The following ACVR1C variants were observed in gnomAD, a reference collection of about 807,000 sequenced individuals.
ACVR1C encodes the protein activin A receptor type 1C.
In ACVR1C, 23 loss-of-function variants were observed where a neutral mutation model predicts 57.9. The observed-to-expected ratio is 0.40, with a 90% CI of 0.29 to 0.56. The LOEUF (loss-of-function observed/expected upper bound fraction) is 0.56, where lower values mean the gene tolerates loss of function less well. ACVR1C is among the 20% of genes least tolerant of loss of function. The pLI is 0.50. For missense variants in ACVR1C, 480 were observed against 607.9 expected, an observed-to-expected ratio of 0.79 and a Z score of 2.21; for synonymous variants, 214 against 215.3, an observed-to-expected ratio of 0.99 and a Z score of 0.05.
Position 157,528,548 on chromosome 2 carries a change from ATT to A in ACVR1C, c.*5368_*5369del, listed in dbSNP as rs1244451287. The A allele has an allele frequency of 6.6e-6, 1 of 152,118 alleles. No homozygotes were observed. Among genetic ancestry groups the A allele is most frequent in the African/African-American group, 2.4e-5 (1 of 41,430 alleles). The allele number at this position is 152,118 out of a possible 1,614,324, so 9.4% of individuals were successfully genotyped here. Reference sequence around the variant, plus strand: ...TTGTTAGGGGAATTTTAAAATAGGGATTGTTACCTAATTTTGCTGTAGTATTA... The same window carrying A: ...TTGTTAGGGGAATTTTAAAATAGGGAGTTACCTAATTTTGCTGTAGTATTA... On this transcript the variant is annotated 3_prime_UTR_variant, in exon 9 of 9. Transcript: ENST00000243349.
chr2:157,551,809 C>A (rs1471738441), intron 3 of ACVR1C, among the ~76,000 whole-genome samples: 2 of 152,174 alleles, frequency 1.3e-5, no homozygotes, highest in African/African-American at 4.8e-5. Flanking sequence ...TTGGTCCCTG[C>A]ACCTAAAACT....
chr2:157,555,796 A>G (rs2105224767), intron 3 of ACVR1C, among the ~76,000 whole-genome samples: 2 of 152,286 alleles, frequency 1.3e-5, no homozygotes, highest in South Asian at 4.2e-4. Flanking sequence ...TAATGGGGGG[A>G]AGCAGGGAGG....
Position 157,556,320 on chromosome 2 carries a change from G to C in ACVR1C, c.317C>G (p.Ala106Gly). 1 of 1,614,008 alleles carries C rather than the reference G, an allele frequency of 6.2e-7. No individual in the cohort carries two copies. Among genetic ancestry groups the C allele is most frequent in the African/African-American group, 1.3e-5 (1 of 75,036 alleles). ...CAGCTCCATGGGTCCAAGTTTTGGG[G>C]CATTTGGTGATGCTACAGTTTAAAG... The part of the protein sequence containing the change: ...TLHLPTASPN[A>G]PKLGPMELAI... The change falls in exon 3 of 9, where the codon GCC (alanine) becomes GGC (glycine). Residue 106 changes from alanine (A) to glycine (G), a missense_variant. Transcript: ENST00000243349.
intron 2 of ACVR1C, among the ~76,000 whole-genome samples, chr2:157,572,340 C>T (rs1281975184): frequency 7.2e-6 from 1 of 138,498 alleles, no homozygotes; most frequent in Non-Finnish European, 1.5e-5. Flanking sequence ...ACAATGTGCA[C>T]ATGTACCCCA....
intron 2 of ACVR1C, among the ~76,000 whole-genome samples, chr2:157,580,828 C>G (rs1573934549): frequency 6.6e-6 from 1 of 152,126 alleles, no homozygotes; most frequent in East Asian, 1.9e-4. Flanking sequence ...ATCAGCGATT[C>G]TTGCATAAAT....
intron 3 of ACVR1C, among the ~76,000 whole-genome samples, 170 bp downstream of exon 3, chr2:157,555,923 G>A (rs1011158761): frequency 1.3e-5 from 2 of 152,150 alleles, no homozygotes; most frequent in African/African-American, 4.8e-5. Context: ...TATAGGCCAC[G>A]ATGGTTTTTC....
chr2:157,554,284 A>AAGGAAGGAAGGAAGGAAGG (rs1558975234), intron 3 of ACVR1C, among the ~76,000 whole-genome samples: 25 of 114,060 alleles, frequency 2.2e-4, no homozygotes, highest in African/African-American at 1.2e-3. Context: ...AGGAAGGAAG[A>AAGGAAGGAAGGAAGGAAGG]GAGAGAGAGA....
intron 1 of ACVR1C, among the ~76,000 whole-genome samples, chr2:157,598,051 T>C (rs1032410612): frequency 1.3e-5 from 2 of 152,206 alleles, no homozygotes; most frequent in East Asian, 3.8e-4. Context: ...ATTGGTCTTA[T>C]AGCTGTTATA....
Position 157,544,543 on chromosome 2 carries a change from A to C in ACVR1C, c.845T>G (p.Leu282Trp). Residue 282 changes from leucine (L) to tryptophan (W), a missense_variant, in exon 5 of 9, where the codon TTG (leucine) becomes TGG (tryptophan). Coordinates refer to ENST00000243349, the MANE Select transcript of ACVR1C (RefSeq NM_145259.3). ...YHEQGSLYDY[L>W]NRNIVTVAGM... is the part of the protein sequence containing the mutation. ...AGCCACGGTCACTATATTTCTATTC[A>C]AATAGTCATATAAGGAGCCCTGTTC... The C allele has an allele frequency of 1.2e-6, 2 of 1,613,966 alleles. No individual in the cohort carries two copies. Among genetic ancestry groups the C allele is most frequent in the Non-Finnish European group, 1.7e-6 (2 of 1,179,860 alleles).
chr2:157,617,729 G>A (rs1036278520), intron 1 of ACVR1C, among the ~76,000 whole-genome samples: 1 of 151,944 alleles, frequency 6.6e-6, no homozygotes, highest in African/African-American at 2.4e-5. Flanking sequence ...TTTACTTGGA[G>A]ATGCATCAGA....
rs1402315389 is a variant in ACVR1C, at chr2:157,534,054, G to T, written c.1357-11C>A. On this transcript the variant is annotated splice_polypyrimidine_tract_variant and intron_variant, in intron 8 of 8. Coordinates refer to ENST00000243349, the MANE Select transcript of ACVR1C (RefSeq NM_145259.3). The stretch of plus-strand genomic sequence containing the variant: ...CATGACTCGGAGTGCCTTTAAGAGA[G>T]AAAAAAAAAATCAAAGACTTTAGCT... 7.2e-7 allele frequency: 1 copy of T among 1,384,600 alleles called. No individual in the cohort carries two copies. The highest frequency in any genetic ancestry group is 9.5e-7 in the Non-Finnish European group (1 of 1,056,456). The allele number at this position is 1,384,600 out of a possible 1,614,324, so 85.8% of individuals were successfully genotyped here.
chr2:157,613,688 C>T (rs912369090), intron 1 of ACVR1C, among the ~76,000 whole-genome samples: 2 of 152,132 alleles, frequency 1.3e-5, no homozygotes, highest in Non-Finnish European at 2.9e-5. Flanking sequence ...GAATGTTGAA[C>T]CAGGCTTGCA....
chr2:157,566,486 G>A (rs981554592), intron 2 of ACVR1C, among the ~76,000 whole-genome samples: 2 of 152,184 alleles, frequency 1.3e-5, no homozygotes, highest in African/African-American at 2.4e-5. Context: ...GACAGTGGGC[G>A]CAGGCCAGTG....
At chr2:157,585,822 T>C (rs957933360) in intron 2 of ACVR1C, among the ~76,000 whole-genome samples, 2 of 151,978 alleles carry the variant, frequency 1.3e-5, no homozygotes, top group East Asian at 3.8e-4. Context: ...AGAATAAGTG[T>C]GGTCTAAAAT....
At chr2:157,597,722 T>C (rs1447046123) in intron 1 of ACVR1C, among the ~76,000 whole-genome samples, 3 of 152,244 alleles carry the variant, frequency 2.0e-5, no homozygotes, top group Non-Finnish European at 4.4e-5. Context: ...TCATAAAATG[T>C]CGCACTCTCG....
chr2:157,564,050 G>A (rs1033978048), intron 2 of ACVR1C, among the ~76,000 whole-genome samples: 1 of 152,178 alleles, frequency 6.6e-6, no homozygotes, highest in Non-Finnish European at 1.5e-5. Context: ...CAGGACATAG[G>A]CATGGGCAAA....
At chr2:157,554,202 A>AGAAAGAAAGAAAGAAAGAAAGAAAGAAG (rs1687998985) in intron 3 of ACVR1C, among the ~76,000 whole-genome samples, 1 of 29,802 alleles carries the variant, frequency 3.4e-5, no homozygotes, top group Admixed American at 3.0e-4. Flanking sequence ...TAAAGAAGAG[A>AGAAAGAAAGAAAGAAAGAAAGAAAGAAG]GAAAGAAAGA....
chr2:157,573,002 C>T (rs1688559165), intron 2 of ACVR1C, among the ~76,000 whole-genome samples: 1 of 152,004 alleles, frequency 6.6e-6, no homozygotes, highest in South Asian at 2.1e-4. Context: ...AAATAGAAAA[C>T]CAGAAGAAAG....
intron 1 of ACVR1C, among the ~76,000 whole-genome samples, chr2:157,610,726 T>C (rs1682513157): frequency 6.6e-6 from 1 of 152,162 alleles, no homozygotes; most frequent in Non-Finnish European, 1.5e-5. Flanking sequence ...GTTTGTTCAT[T>C]CTTTTTTATT....
Sources: allele counts gnomAD v4.1 joint callset (sites outside exome capture counted in the v4.1 genomes callset), GRCh38; gene constraint gnomAD v4.1.1; transcripts MANE v1.5; gene names NCBI Gene and HGNC (gene_info 2026-07-23, HGNC 2026-07-21).